Variants in PHF2 observed in about 807,000 individuals in gnomAD.
PHF2 encodes PHD finger protein 2.
Under a neutral mutation model 120.5 loss-of-function variants are expected in PHF2, and 27 were observed. The observed-to-expected ratio is 0.22, with a 90% CI of 0.17 to 0.31. PHF2 has a LOEUF of 0.31. Among genes scored for constraint, PHF2 ranks in the 10% least tolerant of loss-of-function variants. PHF2 has a pLI of 1.00. For missense variants in PHF2, 1,024 were observed against 1,434.8 expected, an observed-to-expected ratio of 0.71 and a Z score of 4.63; for synonymous variants, 568 against 592.5, an observed-to-expected ratio of 0.96 and a Z score of 0.60.
chr9:93,673,762 C>T lies in PHF2; in HGVS notation c.2526C>T (p.Gly842=). 1 of 1,613,484 alleles carries T rather than the reference C, an allele frequency of 6.2e-7. No individual in the cohort carries two copies. The highest frequency in any genetic ancestry group is 2.2e-5 in the East Asian group (1 of 44,882). ...GGGGTGGCAGTGGCAAGAGTGCAGG[C>T]AAACGACTGCTGAAGAGGGCTGCCA... The part of the protein sequence containing the change: ...KNGGGSGKSA[G]KRLLKRAAKN... The change falls in exon 18 of 22, where the codon GGC becomes GGT. Residue 842 remains glycine, a synonymous_variant. Transcript: ENST00000359246.
At position 93,642,095 on chromosome 9, in the gene PHF2, T is replaced by C. The variant is rs537241334; in HGVS notation, c.300-3534T>C. On this transcript the variant is annotated intron_variant, in intron 3 of 21. Coordinates refer to ENST00000359246, the MANE Select transcript of PHF2 (RefSeq NM_005392.4). Reference sequence around the variant, plus strand: ...CTTGAAAAGCAGTTGATTGTGGGTGTTAAGGATTTATTTCTGGGCACTTAA... The same window carrying C: ...CTTGAAAAGCAGTTGATTGTGGGTGCTAAGGATTTATTTCTGGGCACTTAA... Among the ~76,000 whole-genome samples the C allele has an allele frequency of 1.7e-3, 253 of 152,354 alleles. 1 individual carries two copies. Among genetic ancestry groups the C allele is most frequent in the Non-Finnish European group, 2.7e-3 (187 of 68,028 alleles).
intron 2 of PHF2, among the ~76,000 whole-genome samples, chr9:93,631,332 G>A (rs1825998783): frequency 6.6e-6 from 1 of 152,178 alleles, no homozygotes; most frequent in South Asian, 2.1e-4. Context: ...CCTATCCCCA[G>A]CACAGCCTCA....
intron 1 of PHF2, among the ~76,000 whole-genome samples, chr9:93,615,965 A>C (rs1289747917): frequency 6.6e-6 from 1 of 152,228 alleles, no homozygotes; most frequent in Non-Finnish European, 1.5e-5. Flanking sequence ...TGCTTGTTAT[A>C]AAAGGAATAC....
intron 3 of PHF2, among the ~76,000 whole-genome samples, chr9:93,640,896 A>G (rs1826162606): frequency 1.3e-5 from 2 of 152,184 alleles, no homozygotes; most frequent in South Asian, 4.1e-4. Context: ...TCTAGGTGCC[A>G]GAGATGTCAG....
chr9:93,629,825 G>A (rs935319096), intron 1 of PHF2, 145 bp from the exon 2 acceptor site: 8 of 753,850 alleles, frequency 1.1e-5, no homozygotes, highest in Non-Finnish European at 1.8e-5. Context: ...TGCTTTCCTA[G>A]TAGAACACTG....
rs760370913 is a variant in PHF2 at position 93,677,690 on chromosome 9, A to G, written c.*14A>G. On this transcript the variant is annotated 3_prime_UTR_variant, in exon 22 of 22. Transcript: ENST00000359246. This position sits in a 1 kb window ranked among gnomAD's most constrained non-coding sequence, Gnocchi z 4.4. ...CTACTCCTTTAAGATTTGGAAAGCCAGGATCCTTCTGCTCCGCTCAGGACC... is the reference window on the plus strand; with the variant it reads ...CTACTCCTTTAAGATTTGGAAAGCCGGGATCCTTCTGCTCCGCTCAGGACC... The G allele has an allele frequency of 6.2e-7, 1 of 1,604,760 alleles. No homozygotes were observed. Among genetic ancestry groups the G allele is most frequent in the Non-Finnish European group, 8.5e-7 (1 of 1,171,762 alleles).
At position 93,666,040 on chromosome 9, in the gene PHF2, C is replaced by T; in HGVS notation, c.2167C>T (p.Leu723=). 5 of 1,613,124 alleles carry T rather than the reference C, an allele frequency of 3.1e-6. No homozygotes were observed. The highest frequency in any genetic ancestry group is 4.2e-6 in the Non-Finnish European group (5 of 1,179,562). The change falls in exon 16 of 22, where the codon CTG becomes TTG. Residue 723 remains leucine, a synonymous_variant. Coordinates refer to ENST00000359246, the MANE Select transcript of PHF2 (RefSeq NM_005392.4). ...VLPTPVTKPK[L]DSAAYKSDDS... ...GCCCACGCCTGTCACGAAGCCAAAG[C>T]TGGACTCGGCAGCGTACAAGGTGAG...
chr9:93,600,560 A>C (rs1825421106), intron 1 of PHF2, among the ~76,000 whole-genome samples: 1 of 152,244 alleles, frequency 6.6e-6, no homozygotes, highest in South Asian at 2.1e-4. Context: ...AGGTGTGACC[A>C]GAGTGAGCTC....
At chr9:93,607,354 C>G (rs1415799655) in intron 1 of PHF2, among the ~76,000 whole-genome samples, 1 of 151,248 alleles carries the variant, frequency 6.6e-6, no homozygotes, top group Admixed American at 6.6e-5. Flanking sequence ...TCACTGCAAC[C>G]TCTACCTCCT....
intron 2 of PHF2, among the ~76,000 whole-genome samples, chr9:93,635,365 G>T (rs1038756814): frequency 6.6e-6 from 1 of 151,576 alleles, no homozygotes; most frequent in South Asian, 2.1e-4. Flanking sequence ...CATCCCCTGC[G>T]CCCCCCACCT....
intron 2 of PHF2, among the ~76,000 whole-genome samples, chr9:93,634,850 G>A (rs1456457832): frequency 3.3e-5 from 5 of 152,206 alleles, no homozygotes; most frequent in Non-Finnish European, 5.9e-5. Context: ...TTCTGCCCGT[G>A]AACAAGCACC....
At chr9:93,631,746 G>A (rs1312300681) in intron 2 of PHF2, among the ~76,000 whole-genome samples, 1 of 152,056 alleles carries the variant, frequency 6.6e-6, no homozygotes, top group Non-Finnish European at 1.5e-5. Flanking sequence ...GTTGGAGCCA[G>A]GATACCCCAG....
intron 1 of PHF2, among the ~76,000 whole-genome samples, chr9:93,627,550 A>G (rs1825935421): frequency 7.5e-6 from 1 of 133,588 alleles, no homozygotes; most frequent in Non-Finnish European, 1.5e-5. Context: ...TGTGTTAAAC[A>G]GAAGTGGCAA....
intron 1 of PHF2, among the ~76,000 whole-genome samples, chr9:93,598,713 C>G (rs1825378113): frequency 6.6e-6 from 1 of 152,206 alleles, no homozygotes; most frequent in Non-Finnish European, 1.5e-5. Context: ...GTACTTTGAC[C>G]ATTTTTCCTC....
intron 1 of PHF2, among the ~76,000 whole-genome samples, chr9:93,587,169 TGGGTGAGGGATGGAGGAGCCTC>T: frequency 6.6e-6 from 1 of 151,968 alleles, no homozygotes; most frequent in South Asian, 2.1e-4. Context: ...GGCAGAGCCT[TGGGTGAGGGATGGAGGAGCCTC>T]GGGTGAGGGA....
At chr9:93,578,163 G>C (rs1862868828) in intron 1 of PHF2, among the ~76,000 whole-genome samples, 1 of 152,234 alleles carries the variant, frequency 6.6e-6, no homozygotes, top group Non-Finnish European at 1.5e-5. Context: ...ATGTGACAGG[G>C]CCTGCTATGT....
chr9:93,588,613 T>A (rs1311088642), intron 1 of PHF2, among the ~76,000 whole-genome samples: 3 of 152,108 alleles, frequency 2.0e-5, no homozygotes, highest in African/African-American at 7.2e-5. Context: ...CTTTATGGGC[T>A]GGGCACGGTG....
rs1826668255 is a variant in PHF2 at position 93,665,849 on chromosome 9, A to G, written c.2101A>G (p.Lys701Glu). 1 of 1,613,328 alleles carries G rather than the reference A, an allele frequency of 6.2e-7. No individual in the cohort carries two copies. The highest frequency in any genetic ancestry group is 8.5e-7 in the Non-Finnish European group (1 of 1,179,994). Residue 701 changes from lysine (K) to glutamate (E), a missense_variant, in exon 15 of 22, where the codon AAA (lysine) becomes GAA (glutamate). Around this residue, in one of 2 missense-constraint regions of PHF2, gnomAD observed 677 missense variants for 857.4 expected, o/e 0.79. Coordinates refer to ENST00000359246, the MANE Select transcript of PHF2 (RefSeq NM_005392.4). ...FPIRRKKNAP[K>E]RDLSFLLDKK... is the part of the protein sequence containing the mutation. ...CATCAGGAGGAAGAAAAACGCCCCGAAAAGGGACTTGTCCTGTGAGTTGGG... is the reference window on the plus strand; with the variant it reads ...CATCAGGAGGAAGAAAAACGCCCCGGAAAGGGACTTGTCCTGTGAGTTGGG...
Position 93,649,132 on chromosome 9 carries a change from G to A in PHF2, c.522G>A (p.Leu174=), listed in dbSNP as rs16912641. 33,824 of 1,550,592 alleles carry A rather than the reference G, an allele frequency of 0.022. 610 individuals are homozygous for A. Among genetic ancestry groups the A allele is most frequent in the African/African-American group, 0.092 (6,731 of 72,904 alleles). The change falls in exon 5 of 22, where the codon CTG becomes CTA. Residue 174 remains leucine, a synonymous_variant. Coordinates refer to ENST00000359246, the MANE Select transcript of PHF2 (RefSeq NM_005392.4). ...VTKQKDCKMK[L]KEFVDYYYST... The stretch of plus-strand genomic sequence containing the variant: ...AGCAGAAGGACTGCAAGATGAAGCT[G>A]AAGGAGTTTGTGGACTATTACTACA...
Sources: allele counts gnomAD v4.1 joint callset (sites outside exome capture counted in the v4.1 genomes callset), GRCh38; gene constraint gnomAD v4.1.1; regional missense constraint gnomAD v4.1.1; non-coding constraint Gnocchi (gnomAD v3.1); transcripts MANE v1.5; gene names NCBI Gene and HGNC (gene_info 2026-07-23, HGNC 2026-07-21).